Variants in ACVR2A observed in about 807,000 individuals in gnomAD.
ACVR2A encodes the protein activin A receptor type 2A.
A neutral mutation model predicts 61.4 loss-of-function variants in ACVR2A; 7 were observed. That is an observed-to-expected ratio of 0.11 (90% CI 0.06 to 0.21). ACVR2A has a LOEUF of 0.21. Ranked by LOEUF, ACVR2A falls within the 10% of genes least tolerant of loss-of-function variation. ACVR2A has a pLI of 1.00. For missense variants in ACVR2A, 322 were observed against 621.7 expected, an observed-to-expected ratio of 0.52 and a Z score of 5.13; for synonymous variants, 193 against 208.3, an observed-to-expected ratio of 0.93 and a Z score of 0.63.
rs148683620 is a variant in ACVR2A at position 147,847,998 on chromosome 2, G to A, written c.55+2791G>A. Among the ~76,000 whole-genome samples, 1,145 of 152,290 alleles carry A rather than the reference G, an allele frequency of 7.5e-3. 14 individuals are homozygous for A. The highest frequency in any genetic ancestry group is 0.026 in the African/African-American group (1,077 of 41,552). On this transcript the variant is annotated intron_variant, in intron 1 of 10. Transcript: ENST00000241416. The stretch of plus-strand genomic sequence containing the variant: ...TTTGGATTTTGTGGGAGCTGGAGCA[G>A]TATGGTCAATGTATTTGATGAAAGA...
intron 2 of ACVR2A, 46 bp from the exon 3 acceptor site, chr2:147,899,412 G>T (rs1342577083): frequency 2.2e-6 from 3 of 1,342,416 alleles, no homozygotes; most frequent in East Asian, 2.3e-5. Context: ...TGTAGGGTCA[G>T]TATAATAATA....
chr2:147,895,277 A>G (rs888288434), intron 1 of ACVR2A, among the ~76,000 whole-genome samples: 1 of 152,204 alleles, frequency 6.6e-6, no homozygotes, highest in Non-Finnish European at 1.5e-5. Flanking sequence ...TACATAGTGC[A>G]CTACTGTAAT....
intron 4 of ACVR2A, among the ~76,000 whole-genome samples, chr2:147,910,248 T>G (rs1313159263): frequency 2.0e-5 from 3 of 152,146 alleles, no homozygotes; most frequent in Admixed American, 6.6e-5. Context: ...ACATACTTTT[T>G]GGTAAGATGT....
chr2:147,857,412 A>C lies in ACVR2A; in HGVS notation c.55+12205A>C, dbSNP rs78363625. Among the ~76,000 whole-genome samples, 1,081 of 151,804 alleles carry C rather than the reference A, an allele frequency of 7.1e-3. 8 individuals carry two copies. Among genetic ancestry groups the C allele is most frequent in the Middle Eastern group, 0.027 (8 of 292 alleles). ...AGAGCACAGAAGAGTAGAGGAGCCT[A>C]CTCTGTTATAGATAATAGAACCATT... On this transcript the variant is annotated intron_variant, in intron 1 of 10. Coordinates refer to ENST00000241416, the MANE Select transcript of ACVR2A (RefSeq NM_001616.5).
intron 1 of ACVR2A, among the ~76,000 whole-genome samples, chr2:147,848,186 C>T (rs1206689919): frequency 1.3e-5 from 2 of 152,142 alleles, no homozygotes; most frequent in Admixed American, 1.3e-4. Flanking sequence ...ACTTTGTTTT[C>T]TAAAAGGCAG....
At chr2:147,882,188 A>G (rs1252035413) in intron 1 of ACVR2A, among the ~76,000 whole-genome samples, 1 of 152,200 alleles carries the variant, frequency 6.6e-6, no homozygotes, top group Admixed American at 6.5e-5. Context: ...TTAGTCATTT[A>G]AGTGTTAACA....
intron 1 of ACVR2A, among the ~76,000 whole-genome samples, chr2:147,848,240 C>G (rs1054994437): frequency 1.3e-5 from 2 of 152,148 alleles, no homozygotes; most frequent in Non-Finnish European, 2.9e-5. Context: ...AAATATAATA[C>G]ATTGAAACAT....
At chr2:147,859,700 T>C (rs574225312) in intron 1 of ACVR2A, among the ~76,000 whole-genome samples, 159 of 152,138 alleles carry the variant, frequency 1.0e-3, no homozygotes, top group Non-Finnish European at 1.6e-3. Context: ...GTTTTTGTTT[T>C]TTTCCCTTAC....
chr2:147,911,359 T>C (rs1209753538), intron 4 of ACVR2A, among the ~76,000 whole-genome samples: 1 of 152,148 alleles, frequency 6.6e-6, no homozygotes, highest in East Asian at 1.9e-4. Context: ...CTTTCCTCTG[T>C]TTGTAAGGAA....
At chr2:147,920,590 A>T (rs1687356163) in intron 8 of ACVR2A, among the ~76,000 whole-genome samples, 1 of 152,212 alleles carries the variant, frequency 6.6e-6, no homozygotes, top group Non-Finnish European at 1.5e-5. Context: ...AATTGATCAA[A>T]GAATAATCCA....
At chr2:147,862,943 A>G (rs1028524300) in intron 1 of ACVR2A, among the ~76,000 whole-genome samples, 2 of 152,276 alleles carry the variant, frequency 1.3e-5, no homozygotes, top group Admixed American at 6.5e-5. Flanking sequence ...ATTATTAACC[A>G]CCACTTATAG....
At chr2:147,845,757 A>G (rs1181974297) in intron 1 of ACVR2A, among the ~76,000 whole-genome samples, 1 of 152,202 alleles carries the variant, frequency 6.6e-6, no homozygotes, top group Non-Finnish European at 1.5e-5. Flanking sequence ...TTCAGCGTCC[A>G]GCAGTGTTAA....
At chr2:147,914,738 C>A (rs1185738475) in intron 4 of ACVR2A, among the ~76,000 whole-genome samples, 1 of 151,934 alleles carries the variant, frequency 6.6e-6, no homozygotes, top group African/African-American at 2.4e-5. Flanking sequence ...AAAATTTAAA[C>A]AGTCACTGGA....
chr2:147,876,792 T>A (rs1573669320), intron 1 of ACVR2A, among the ~76,000 whole-genome samples: 1 of 152,200 alleles, frequency 6.6e-6, no homozygotes, highest in East Asian at 1.9e-4. Context: ...TAAAATTTAG[T>A]GGAAGGCCAG....
intron 4 of ACVR2A, among the ~76,000 whole-genome samples, chr2:147,911,817 T>C (rs1009146408): frequency 6.6e-6 from 1 of 152,166 alleles, no homozygotes; most frequent in South Asian, 2.1e-4. Flanking sequence ...AAAAACCGTT[T>C]TACTTGATTA....
chr2:147,864,630 G>A (rs1410528594), intron 1 of ACVR2A, among the ~76,000 whole-genome samples: 1 of 152,108 alleles, frequency 6.6e-6, no homozygotes, highest in Admixed American at 6.5e-5. Flanking sequence ...TTAGGCTAGG[G>A]AATATGAATA....
chr2:147,896,348 G>A lies in ACVR2A; in HGVS notation c.103G>A (p.Ala35Thr), dbSNP rs746261161. The A allele has an allele frequency of 3.7e-6, 6 of 1,613,836 alleles. No homozygotes were observed. The highest frequency in any genetic ancestry group is 5.1e-6 in the Non-Finnish European group (6 of 1,179,860). Residue 35 changes from alanine (A) to threonine (T), a missense_variant, in exon 2 of 11, where the codon GCT becomes ACT. Coordinates refer to ENST00000241416, the MANE Select transcript of ACVR2A (RefSeq NM_001616.5). ...SETQECLFFN[A>T]NWEKDRTNQT... is the part of the protein sequence containing the mutation. The stretch of plus-strand genomic sequence containing the variant: ...AACTCAGGAGTGTCTTTTCTTTAAT[G>A]CTAATTGGGAAAAAGACAGAACCAA...
chr2:147,907,475 C>A (rs1573698550), intron 4 of ACVR2A, among the ~76,000 whole-genome samples: 1 of 152,104 alleles, frequency 6.6e-6, no homozygotes, highest in African/African-American at 2.4e-5. Context: ...AAAGTGTTCC[C>A]ATTTCTCCAC....
chr2:147,917,887 C>G (rs1687285810), intron 6 of ACVR2A, among the ~76,000 whole-genome samples: 1 of 151,686 alleles, frequency 6.6e-6, no homozygotes, highest in South Asian at 2.1e-4. Context: ...GCTAGTTTTC[C>G]TCAATTTTTC....
Sources: allele counts gnomAD v4.1 joint callset (sites outside exome capture counted in the v4.1 genomes callset), GRCh38; gene constraint gnomAD v4.1.1; transcripts MANE v1.5; gene names NCBI Gene and HGNC (gene_info 2026-07-23, HGNC 2026-07-21).